The following HEPHL1 variants were observed in gnomAD, a reference collection of about 807,000 sequenced individuals.
The protein encoded by HEPHL1 is hephaestin like 1.
In HEPHL1, 123 loss-of-function variants were observed where a neutral mutation model predicts 122.0. That is an observed-to-expected ratio of 1.01 (90% CI 0.87 to 1.17). HEPHL1 has a LOEUF of 1.17. Among genes scored for constraint, HEPHL1 ranks in the 50% most tolerant of loss-of-function variants. HEPHL1 has a pLI of 0.00. For synonymous variants in HEPHL1, 527 were observed against 508.9 expected, an observed-to-expected ratio of 1.04 and a Z score of -0.48; for missense variants, 1,452 against 1,430.5, an observed-to-expected ratio of 1.01 and a Z score of -0.24.
At chr11:94,068,362 A>G (rs903399263) in intron 5 of HEPHL1, among the ~76,000 whole-genome samples, 1 of 152,190 alleles carries the variant, frequency 6.6e-6, no homozygotes, top group Non-Finnish European at 1.5e-5. Context: ...AGCTCATCTC[A>G]TCTCTGGACT....
intron 2 of HEPHL1, among the ~76,000 whole-genome samples, chr11:94,061,869 T>C (rs1945987465): frequency 6.6e-6 from 1 of 152,152 alleles, no homozygotes; most frequent in South Asian, 2.1e-4. Context: ...TCTCAGAATC[T>C]AGTACTAGCA....
At chr11:94,088,253 G>C (rs1158471917) in intron 11 of HEPHL1, among the ~76,000 whole-genome samples, 1 of 152,206 alleles carries the variant, frequency 6.6e-6, no homozygotes, top group Non-Finnish European at 1.5e-5. Context: ...AGGGCTTAAT[G>C]AAGTAATACA....
At chr11:94,058,346 C>T (rs1945957576) in intron 2 of HEPHL1, among the ~76,000 whole-genome samples, 1 of 152,140 alleles carries the variant, frequency 6.6e-6, no homozygotes, top group Non-Finnish European at 1.5e-5. Context: ...AATTTGCTGA[C>T]TTCTTTGCTC....
intron 1 of HEPHL1, 146 bp downstream of exon 1, chr11:94,021,684 C>A: frequency 1.6e-6 from 1 of 641,120 alleles, no homozygotes; most frequent in Admixed American, 2.9e-5. Context: ...TTGAAGAGCC[C>A]TAGTATGGAT....
At chr11:94,021,864 A>G (rs1181710212) in intron 1 of HEPHL1, among the ~76,000 whole-genome samples, 1 of 152,172 alleles carries the variant, frequency 6.6e-6, no homozygotes, top group African/African-American at 2.4e-5. Context: ...TTAAATGACA[A>G]CACTTGGGAT....
intron 6 of HEPHL1, among the ~76,000 whole-genome samples, chr11:94,072,242 A>C (rs566474267): frequency 6.6e-6 from 1 of 152,258 alleles, no homozygotes; most frequent in East Asian, 1.9e-4. Flanking sequence ...AGCCAGTATC[A>C]GATAGAGGAT....
At chr11:94,070,790 C>A (rs904224962) in intron 6 of HEPHL1, among the ~76,000 whole-genome samples, 11 of 152,070 alleles carry the variant, frequency 7.2e-5, no homozygotes, top group African/African-American at 1.4e-4. Flanking sequence ...TCAAACATTT[C>A]TTGAGTAGGC....
At chr11:94,094,406 C>T (rs1311510162) in intron 13 of HEPHL1, among the ~76,000 whole-genome samples, 1 of 152,046 alleles carries the variant, frequency 6.6e-6, no homozygotes. Context: ...CATTGTTGGA[C>T]ATTTGGGTTG....
At position 94,064,379 on chromosome 11, in the gene HEPHL1, T is replaced by G. The variant is rs770525381; in HGVS notation, c.677T>G (p.Phe226Cys). ...SGTRNDVDRE[F>C]VIMFTLVDEN... Reference sequence around the variant, plus strand: ...ACACGGAATGATGTGGATCGAGAGTTTGTTATAATGTTTACTCTTGTGGAT... The same window carrying G: ...ACACGGAATGATGTGGATCGAGAGTGTGTTATAATGTTTACTCTTGTGGAT... Residue 226 changes from phenylalanine (F) to cysteine (C), a missense_variant, in exon 4 of 20, where the codon TTT (phenylalanine) becomes TGT (cysteine). By Grantham distance (205) the Phe-to-Cys change is radical. Coordinates refer to ENST00000315765, the MANE Select transcript of HEPHL1 (RefSeq NM_001098672.2). 1 of 1,613,278 alleles carries G rather than the reference T, an allele frequency of 6.2e-7. No homozygotes were observed. Among genetic ancestry groups the G allele is most frequent in the East Asian group, 2.2e-5 (1 of 44,864 alleles).
In HEPHL1 at chr11:94,063,513, C is replaced by G. The variant is rs777551688; in HGVS notation, c.421C>G (p.Leu141Val). ...TTAATTTTATTTTTTGGAAGGAGCC[C>G]TATACCCAGATGGAACATCTGGAAG... ...VFYNKDSEGA[L>V]YPDGTSGRNK... Residue 141 changes from leucine to valine, a missense_variant, in exon 3 of 20, where the codon CTA (leucine) becomes GTA (valine). Coordinates refer to ENST00000315765, the MANE Select transcript of HEPHL1 (RefSeq NM_001098672.2). 1 of 1,602,408 alleles carries G rather than the reference C, an allele frequency of 6.2e-7. No homozygotes were observed. Among genetic ancestry groups the G allele is most frequent in the Non-Finnish European group, 8.5e-7 (1 of 1,173,858 alleles).
chr11:94,036,330 A>T lies in HEPHL1; in HGVS notation c.171-9343A>T, dbSNP rs116969438. On this transcript the variant is annotated intron_variant, in intron 1 of 19. Coordinates refer to ENST00000315765, the MANE Select transcript of HEPHL1 (RefSeq NM_001098672.2). ...CTGATGTCTGAGGCTGGGGCTTGGG[A>T]CTAGACAAGGGTGCCTGACCAAGGT... Among the ~76,000 whole-genome samples the T allele has an allele frequency of 8.4e-3, 1,272 of 152,270 alleles. 12 individuals are homozygous for T. The highest frequency in any genetic ancestry group is 0.023 in the South Asian group (109 of 4,824).
At chr11:94,036,580 C>G (rs990294362) in intron 1 of HEPHL1, among the ~76,000 whole-genome samples, 1 of 151,958 alleles carries the variant, frequency 6.6e-6, no homozygotes, top group Non-Finnish European at 1.5e-5. Flanking sequence ...TACCCTGACA[C>G]TCACTGTGGA....
In HEPHL1 at chr11:94,088,987, C is replaced by G. The variant is rs752553655; in HGVS notation, c.2294+19C>G. 1 of 1,609,682 alleles carries G rather than the reference C, an allele frequency of 6.2e-7. No individual in the cohort carries two copies. Among genetic ancestry groups the G allele is most frequent in the South Asian group, 1.1e-5 (1 of 90,970 alleles). On this transcript the variant is annotated intron_variant, in intron 12 of 19. Coordinates refer to ENST00000315765, the MANE Select transcript of HEPHL1 (RefSeq NM_001098672.2). ...GGGAAAGGTACCACAGGCGCCGCCG[C>G]TAGGGCTCCTCGGTGGGATCGCGCA...
intron 13 of HEPHL1, among the ~76,000 whole-genome samples, chr11:94,096,587 G>A (rs2047043301): frequency 6.6e-6 from 1 of 152,182 alleles, no homozygotes; most frequent in South Asian, 2.1e-4. Flanking sequence ...AGTTTCAGAA[G>A]GAATGGTACC....
intron 13 of HEPHL1, among the ~76,000 whole-genome samples, chr11:94,093,969 C>CAGAG (rs1946283841): frequency 2.0e-5 from 1 of 50,716 alleles, no homozygotes. Flanking sequence ...AATCCTCCAG[C>CAGAG]AGATATATAT....
intron 10 of HEPHL1, among the ~76,000 whole-genome samples, chr11:94,082,835 A>C (rs1946182624): frequency 6.6e-6 from 1 of 152,238 alleles, no homozygotes; most frequent in East Asian, 1.9e-4. Flanking sequence ...AGTGGCTAAC[A>C]CCTGTAATCC....
At chr11:94,029,973 A>T (rs1945658707) in intron 1 of HEPHL1, among the ~76,000 whole-genome samples, 1 of 152,148 alleles carries the variant, frequency 6.6e-6, no homozygotes, top group African/African-American at 2.4e-5. Context: ...AGGAGTACAT[A>T]TGTGAAGATG....
At chr11:94,060,533 C>T (rs1945979054) in intron 2 of HEPHL1, among the ~76,000 whole-genome samples, 1 of 152,112 alleles carries the variant, frequency 6.6e-6, no homozygotes, top group South Asian at 2.1e-4. Flanking sequence ...TTATGATTAT[C>T]ACCACCTAAC....
intron 13 of HEPHL1, among the ~76,000 whole-genome samples, chr11:94,097,945 C>G (rs187138980): frequency 6.1e-4 from 92 of 150,770 alleles, no homozygotes; most frequent in African/African-American, 2.2e-3. Flanking sequence ...ATACAGCACA[C>G]TGATGGGTCT....
Sources: gnomAD v4.1 joint callset for allele counts (sites outside exome capture counted in the v4.1 genomes callset) on GRCh38, gnomAD v4.1.1 for gene constraint, MANE v1.5 for transcripts, NCBI Gene and HGNC (gene_info 2026-07-23, HGNC 2026-07-21) for gene names.